Variants in RBFOX3 observed in about 807,000 individuals in gnomAD.
The protein encoded by RBFOX3 is RNA binding fox-1 homolog 3, also known as RNA binding protein fox-1 homolog 3.
A neutral mutation model predicts 48.7 loss-of-function variants in RBFOX3; 17 were observed. That is an observed-to-expected ratio of 0.35 (90% CI 0.24 to 0.52). The LOEUF (loss-of-function observed/expected upper bound fraction) is 0.52. Among genes scored for constraint, RBFOX3 ranks in the 20% least tolerant of loss-of-function variants. The pLI is 0.94. For synonymous variants in RBFOX3, 212 were observed against 209.5 expected (o/e 1.01, Z -0.10); for missense variants, 382 against 497.5 (o/e 0.77, Z 2.21).
At position 79,115,660 on chromosome 17, in the gene RBFOX3, G is replaced by GA; in HGVS notation, c.55_56insT (p.Pro19LeufsTer115). The GA allele has an allele frequency of 7.2e-7, 1 of 1,394,726 alleles. No homozygotes were observed. The highest frequency in any genetic ancestry group is 9.5e-7 in the Non-Finnish European group (1 of 1,056,002). 86.4% of individuals were successfully genotyped at this position (1,394,726 alleles called of 1,614,324 possible). The stretch of plus-strand genomic sequence containing the variant: ...CGGTGGGGGCGGGGCGTACTCGGCA[G>GA]GGATGCCGTTCTGTGGCGGAGGGGG... On this transcript the variant is annotated frameshift_variant, in exon 5 of 15. Coordinates refer to ENST00000693108, the MANE Select transcript of RBFOX3 (RefSeq NM_001350451.2). LOFTEE classifies it high-confidence loss of function.
chr17:79,090,746 T>G lies in RBFOX3; in HGVS notation c.*137A>C. 9.1e-7 allele frequency: 1 copy of G among 1,101,126 alleles called. No homozygotes were observed. Among genetic ancestry groups the G allele is most frequent in the Non-Finnish European group, 1.3e-6 (1 of 781,586 alleles). 68.2% of individuals were successfully genotyped at this position (1,101,126 alleles called of 1,614,324 possible). A position where few individuals can be genotyped will look rare whatever the true frequency, so the allele number is the denominator to read the frequency against. On this transcript the variant is annotated 3_prime_UTR_variant, in exon 15 of 15. Transcript: ENST00000693108. ...GCCAGGACGCGGGACTTGGACTTGG[T>G]TGGATGCCTCTTGGTTTGGTTGGTT...
intron 4 of RBFOX3, among the ~76,000 whole-genome samples, chr17:79,192,427 C>T (rs2146516898): frequency 6.6e-6 from 1 of 152,324 alleles, no homozygotes; most frequent in East Asian, 1.9e-4. Context: ...TTAATTCTCT[C>T]AGGTCACCAA....
chr17:79,323,341 G>T (rs1390687630), intron 2 of RBFOX3, among the ~76,000 whole-genome samples: 1 of 152,214 alleles, frequency 6.6e-6, no homozygotes. Flanking sequence ...TTCAGTGTTT[G>T]TGCTGAGCCA....
chr17:79,569,772 G>A (rs927952808), intron 1 of RBFOX3, among the ~76,000 whole-genome samples: 3,594 of 152,350 alleles, frequency 0.024, 143 homozygotes, highest in African/African-American at 0.081. Flanking sequence ...ATAGAAAATC[G>A]ATGGATGATG....
rs559463610 is a variant in RBFOX3 at position 79,398,072 on chromosome 17, TG to T, written c.-175+84381del. On this transcript the variant is annotated intron_variant, in intron 2 of 14. Transcript: ENST00000693108. Reference sequence around the variant, plus strand: ...AAGACTCGGAGCCCGAACGAGGCTCTGGGCGCCTTGTCGGGGCCCCAGAGTC... The same window carrying T: ...AAGACTCGGAGCCCGAACGAGGCTCTGGCGCCTTGTCGGGGCCCCAGAGTC... 2.4e-3 allele frequency among the ~76,000 whole-genome samples: 369 copies of T among 152,298 alleles called. 1 individual carries two copies. Among genetic ancestry groups the T allele is most frequent in the Non-Finnish European group, 4.3e-3 (291 of 68,024 alleles).
chr17:79,403,655 G>A (rs1034142013), intron 2 of RBFOX3, among the ~76,000 whole-genome samples: 5 of 152,178 alleles, frequency 3.3e-5, no homozygotes, highest in African/African-American at 7.2e-5. Flanking sequence ...TGGGCAGGGC[G>A]GGGCTTGTTC....
chr17:79,217,087 G>T (rs910483712), intron 4 of RBFOX3, among the ~76,000 whole-genome samples: 20 of 152,188 alleles, frequency 1.3e-4, no homozygotes, highest in African/African-American at 4.8e-4. Flanking sequence ...TTGCTACCAA[G>T]GGGAGCCCCT....
chr17:79,554,390 C>A (rs1407898216), intron 1 of RBFOX3, among the ~76,000 whole-genome samples: 2 of 81,896 alleles, frequency 2.4e-5, no homozygotes, highest in African/African-American at 9.4e-5. Context: ...AGTCACCCCT[C>A]ACCTGGCCCT....
intron 4 of RBFOX3, among the ~76,000 whole-genome samples, chr17:79,152,282 G>A (rs1050529405): frequency 2.0e-5 from 3 of 152,120 alleles, no homozygotes; most frequent in Admixed American, 2.0e-4. Context: ...AGACTTCGGG[G>A]CACCTCCCCC....
At chr17:79,396,701 A>G (rs907901) in intron 2 of RBFOX3, among the ~76,000 whole-genome samples, 136,700 of 152,250 alleles carry the variant, frequency 0.9, 61,451 homozygotes, top group Middle Eastern at 0.96. Context: ...AGGCCCACCT[A>G]CTGCTCGGAG....
intron 3 of RBFOX3, among the ~76,000 whole-genome samples, chr17:79,292,599 CG>C (rs1375070017): frequency 3.4e-3 from 386 of 114,926 alleles, no homozygotes; most frequent in African/African-American, 0.013. Context: ...CACACACACA[CG>C]CACACACACA....
At chr17:79,096,421 C>T (rs553880769) in intron 12 of RBFOX3, among the ~76,000 whole-genome samples, 75 of 152,310 alleles carry the variant, frequency 4.9e-4, no homozygotes, top group African/African-American at 1.7e-3. Context: ...CACAGGGCTG[C>T]TGGGCGGCCC....
At chr17:79,557,225 C>CAAAAAAAAA (rs1167997833) in intron 1 of RBFOX3, among the ~76,000 whole-genome samples, 1 of 86,568 alleles carries the variant, frequency 1.2e-5, no homozygotes, top group Non-Finnish European at 2.2e-5. Flanking sequence ...GACACTGTCT[C>CAAAAAAAAA]AAAAAAAAAA....
At chr17:79,588,366 TCCCA>T (rs1370225235) in intron 1 of RBFOX3, among the ~76,000 whole-genome samples, 1 of 152,106 alleles carries the variant, frequency 6.6e-6, no homozygotes, top group African/African-American at 2.4e-5. Flanking sequence ...CTGGGCTTCA[TCCCA>T]CCATGAAGAC....
chr17:79,586,895 G>A (rs2093267790), intron 1 of RBFOX3, among the ~76,000 whole-genome samples: 1 of 152,170 alleles, frequency 6.6e-6, no homozygotes, highest in South Asian at 2.1e-4. Flanking sequence ...ATTCCTTTAT[G>A]ACTCTGAATT....
At chr17:79,558,495 A>G (rs957922092) in intron 1 of RBFOX3, among the ~76,000 whole-genome samples, 1 of 152,066 alleles carries the variant, frequency 6.6e-6, no homozygotes, top group African/African-American at 2.4e-5. Context: ...TCCAAAGCAG[A>G]AACACCAGGG....
At chr17:79,261,032 G>A (rs2065674194) in intron 3 of RBFOX3, among the ~76,000 whole-genome samples, 1 of 151,958 alleles carries the variant, frequency 6.6e-6, no homozygotes, top group African/African-American at 2.4e-5. Flanking sequence ...CCCCACCCTA[G>A]CTGTTCCTCG....
intron 2 of RBFOX3, among the ~76,000 whole-genome samples, chr17:79,310,684 C>T (rs1227071992): frequency 1.3e-5 from 2 of 152,236 alleles, no homozygotes; most frequent in African/African-American, 2.4e-5. Flanking sequence ...CCGGGCCCTT[C>T]TGTGGAGGGA....
rs928932904 is a variant in RBFOX3, at chr17:79,500,422, T to G, written c.-319-17824A>C. Among the ~76,000 whole-genome samples, 1,288 of 152,192 alleles carry G rather than the reference T, an allele frequency of 8.5e-3. 14 individuals are homozygous for G. Among genetic ancestry groups the G allele is most frequent in the African/African-American group, 0.029 (1,195 of 41,522 alleles). ...ACAGGCATGCACCACCACGCCTGGC[T>G]AATTTTGCATTTTTAGTAGAGACAG... is the stretch of plus-strand genomic sequence containing the variant. On this transcript the variant is annotated intron_variant, in intron 1 of 14. Coordinates refer to ENST00000693108, the MANE Select transcript of RBFOX3 (RefSeq NM_001350451.2).
Sources: gnomAD v4.1 joint callset for allele counts (sites outside exome capture counted in the v4.1 genomes callset) on GRCh38, gnomAD v4.1.1 for gene constraint, MANE v1.5 for transcripts, NCBI Gene and HGNC (gene_info 2026-07-23, HGNC 2026-07-21) for gene names.